Variants in RYR2 observed in about 807,000 individuals in gnomAD.
RYR2 encodes the protein ryanodine receptor 2, also known as cardiac muscle ryanodine receptor-calcium release channel.
Under a neutral mutation model 601.1 loss-of-function variants are expected in RYR2, and 227 were observed. That is an observed-to-expected ratio of 0.38 (90% CI 0.34 to 0.42). The LOEUF is 0.42. Ranked by LOEUF, RYR2 falls within the 10% of genes least tolerant of loss-of-function variation. RYR2 has a pLI of 1.00. For synonymous variants in RYR2, 2,223 were observed against 2,175.1 expected (o/e 1.02, Z -0.61); for missense variants, 4,646 against 6,156.5 (o/e 0.75, Z 8.21).
chr1:237,824,773 C>T, intron 101 of RYR2, among the ~76,000 whole-genome samples: 1 of 152,060 alleles, frequency 6.6e-6, no homozygotes, highest in East Asian at 1.9e-4. Flanking sequence ...TTTAGAAAAC[C>T]CCATCATCTC....
chr1:237,377,436 G>C lies in RYR2; in HGVS notation c.576+1G>C. 1 of 1,608,990 alleles carries C rather than the reference G, an allele frequency of 6.2e-7. No homozygotes were observed. Among genetic ancestry groups the C allele is most frequent in the African/African-American group, 1.3e-5 (1 of 74,914 alleles). ...TAGCGTGTCCTCTGAAAGGTACTTG[G>C]TAAGTGTGGAAAGTAGGATCATGTA... On this transcript the variant is annotated splice_donor_variant, in intron 8 of 104. Transcript: ENST00000366574. LOFTEE classifies it high-confidence loss of function.
At chr1:237,722,040 A>G (rs969877192) in intron 73 of RYR2, among the ~76,000 whole-genome samples, 3 of 152,182 alleles carry the variant, frequency 2.0e-5, no homozygotes, top group Non-Finnish European at 4.4e-5. Flanking sequence ...AAAAACATCT[A>G]TTGATTTATA....
At chr1:237,612,499 T>C (rs1233775791) in intron 36 of RYR2, among the ~76,000 whole-genome samples, 24 of 152,148 alleles carry the variant, frequency 1.6e-4, no homozygotes. Context: ...TAGTTAATTC[T>C]TTTTATGTAT....
intron 16 of RYR2, among the ~76,000 whole-genome samples, chr1:237,466,459 G>A (rs1377107998): frequency 2.6e-5 from 4 of 152,050 alleles, no homozygotes; most frequent in Non-Finnish European, 2.9e-5. Flanking sequence ...GAGCCACTAC[G>A]CCTGGTGTAA....
At chr1:237,158,361 A>C (rs975340915) in intron 1 of RYR2, among the ~76,000 whole-genome samples, 4 of 152,200 alleles carry the variant, frequency 2.6e-5, no homozygotes, top group African/African-American at 9.7e-5. Flanking sequence ...AAGAGAGAGA[A>C]CAAGATAAGC....
At chr1:237,782,567 C>T (rs918572896) in intron 89 of RYR2, among the ~76,000 whole-genome samples, 2 of 152,140 alleles carry the variant, frequency 1.3e-5, no homozygotes, top group African/African-American at 2.4e-5. Context: ...AGCCCTTAGT[C>T]GGTGGCAACA....
In RYR2 at chr1:237,641,010, T is replaced by C. The variant is rs2148739245; in HGVS notation, c.7221+8T>C. 5 of 1,600,134 alleles carry C rather than the reference T, an allele frequency of 3.1e-6. No individual in the cohort carries two copies. The highest frequency in any genetic ancestry group is 4.3e-6 in the Non-Finnish European group (5 of 1,170,772). On this transcript the variant is annotated splice_region_variant and intron_variant, in intron 47 of 104. Coordinates refer to ENST00000366574, the MANE Select transcript of RYR2 (RefSeq NM_001035.3). The stretch of plus-strand genomic sequence containing the variant: ...TGTGCTCCTGAGATGCATGTGAGTT[T>C]CTGGGAGTTCAGGAGCAGCAATCCT...
At chr1:237,233,289 C>A (rs1236480780) in intron 1 of RYR2, among the ~76,000 whole-genome samples, 2 of 152,174 alleles carry the variant, frequency 1.3e-5, no homozygotes. Context: ...GCAAGAAACA[C>A]ATTGCTAAAT....
At chr1:237,809,143 A>G in intron 100 of RYR2, 108 bp downstream of exon 100, 1 of 1,066,324 alleles carries the variant, frequency 9.4e-7, no homozygotes, top group Non-Finnish European at 1.4e-6. Flanking sequence ...AATAGTCTAA[A>G]CAAATAAAAA....
intron 67 of RYR2, among the ~76,000 whole-genome samples, chr1:237,706,012 A>G (rs560552489): frequency 6.6e-6 from 1 of 152,244 alleles, no homozygotes; most frequent in Admixed American, 6.5e-5. Context: ...GCACTTTGGG[A>G]GGCCGAAGTG....
chr1:237,795,841 T>A (rs1345754560), intron 96 of RYR2, among the ~76,000 whole-genome samples: 1 of 113,418 alleles, frequency 8.8e-6, no homozygotes, highest in Non-Finnish European at 1.7e-5. Context: ...TGTGTGTATA[T>A]ATATATATGT....
At chr1:237,526,746 TG>T (rs1244753615) in intron 24 of RYR2, among the ~76,000 whole-genome samples, 1 of 152,234 alleles carries the variant, frequency 6.6e-6, no homozygotes, top group African/African-American at 2.4e-5. Flanking sequence ...GGGCATAATT[TG>T]AAGATACTTT....
intron 2 of RYR2, among the ~76,000 whole-genome samples, chr1:237,289,545 C>A (rs1558563560): frequency 6.6e-6 from 1 of 152,104 alleles, no homozygotes; most frequent in Non-Finnish European, 1.5e-5. Flanking sequence ...AGGACCTTAA[C>A]AAATCATCAG....
At chr1:237,184,033 A>T (rs1398432934) in intron 1 of RYR2, among the ~76,000 whole-genome samples, 1 of 152,236 alleles carries the variant, frequency 6.6e-6, no homozygotes, top group Non-Finnish European at 1.5e-5. Flanking sequence ...GATCAGAATT[A>T]ATGACATAAT....
At chr1:237,415,260 G>A (rs1280220178) in intron 10 of RYR2, among the ~76,000 whole-genome samples, 1 of 152,038 alleles carries the variant, frequency 6.6e-6, no homozygotes, top group Non-Finnish European at 1.5e-5. Context: ...TGCACATAAG[G>A]ATTTCTAAAA....
At chr1:237,828,507 C>G in intron 102 of RYR2, 62 bp downstream of exon 102, 1 of 1,067,540 alleles carries the variant, frequency 9.4e-7, no homozygotes, top group African/African-American at 1.6e-5. Flanking sequence ...TTCCTCACTA[C>G]CTTTATCAAT....
In RYR2 at chr1:237,283,173, T is replaced by A. The variant is rs1049714578; in HGVS notation, c.168+12557T>A. 1.2e-4 allele frequency among the ~76,000 whole-genome samples: 18 copies of A among 152,248 alleles called. No homozygotes were observed. In the East Asian group the frequency reaches 3.1e-3, roughly 26 times the overall value. ...TCATTGTTTAGGTATCTGTCAAATGTTTTTTCCTTTGTAAAGTCTTCCTGT... is the reference window on the plus strand; with the variant it reads ...TCATTGTTTAGGTATCTGTCAAATGATTTTTCCTTTGTAAAGTCTTCCTGT... On this transcript the variant is annotated intron_variant, in intron 2 of 104. Coordinates refer to ENST00000366574, the MANE Select transcript of RYR2 (RefSeq NM_001035.3).
intron 1 of RYR2, among the ~76,000 whole-genome samples, chr1:237,115,339 C>T (rs1469747314): frequency 1.3e-5 from 2 of 152,110 alleles, no homozygotes; most frequent in African/African-American, 2.4e-5. Flanking sequence ...CTTTGATAGG[C>T]TTGGAGGAAA....
intron 62 of RYR2, among the ~76,000 whole-genome samples, chr1:237,682,156 TG>T (rs1371645226): frequency 6.6e-6 from 1 of 152,296 alleles, no homozygotes; most frequent in Non-Finnish European, 1.5e-5. Flanking sequence ...CATCCAATTG[TG>T]TGTTTTGGGT....
Sources: gnomAD v4.1 joint callset for allele counts (sites outside exome capture counted in the v4.1 genomes callset) on GRCh38, gnomAD v4.1.1 for gene constraint, MANE v1.5 for transcripts, NCBI Gene and HGNC (gene_info 2026-07-23, HGNC 2026-07-21) for gene names.